The following ABR variants were observed in gnomAD, a reference collection of about 807,000 sequenced individuals.
The protein encoded by ABR is active breakpoint cluster region-related protein.
In ABR, 35 loss-of-function variants were observed where a neutral mutation model predicts 107.2. The ratio of observed to expected loss-of-function variants is 0.33; its 90% CI spans 0.25 to 0.43. The LOEUF (loss-of-function observed/expected upper bound fraction) is 0.43, where lower values mean the gene tolerates loss of function less well. Among genes scored for constraint, ABR ranks in the 20% least tolerant of loss-of-function variants. ABR has a pLI of 1.00. For synonymous variants in ABR, 498 were observed against 462.0 expected, an observed-to-expected ratio of 1.08 and a Z score of -1.00; for missense variants, 815 against 1,115.2, an observed-to-expected ratio of 0.73 and a Z score of 3.83.
chr17:1,010,624 C>G lies in ABR; in HGVS notation c.2236+105G>C. 6.7e-7 allele frequency: 1 copy of G among 1,494,524 alleles called. No homozygotes were observed. The highest frequency in any genetic ancestry group is 9.0e-7 in the Non-Finnish European group (1 of 1,107,582). 92.6% of individuals were successfully genotyped at this position (1,494,524 alleles called of 1,614,324 possible). On this transcript the variant is annotated intron_variant, in intron 20 of 22. Coordinates refer to ENST00000302538, the MANE Select transcript of ABR (RefSeq NM_021962.5). This position sits in a 1 kb window ranked among gnomAD's most constrained non-coding sequence, Gnocchi z 4.1. ...GGCCCCAGTGCACTGGGAAGGTCAG[C>G]CAGCAAAGGAAGCCACAGATATTTC... is the stretch of plus-strand genomic sequence containing the variant.
intron 16 of ABR, among the ~76,000 whole-genome samples, chr17:1,047,968 A>G (rs753602486): frequency 6.6e-6 from 1 of 152,168 alleles, no homozygotes; most frequent in Non-Finnish European, 1.5e-5. Flanking sequence ...TAACTCTTCT[A>G]TTCCACAGCC....
At chr17:1,199,340 A>G (rs1379349033) in intron 1 of ABR, among the ~76,000 whole-genome samples, 2 of 150,846 alleles carry the variant, frequency 1.3e-5, no homozygotes, top group Non-Finnish European at 2.9e-5. Context: ...ATCTGTACCC[A>G]TGTCATAGAC....
At chr17:1,134,684 G>A (rs921067654) in intron 1 of ABR, among the ~76,000 whole-genome samples, 6 of 152,208 alleles carry the variant, frequency 3.9e-5, no homozygotes, top group African/African-American at 1.2e-4. Context: ...AAGGCGGACC[G>A]GAGGGTGTGG....
At chr17:1,185,672 A>T (rs1436913309) in intron 1 of ABR, among the ~76,000 whole-genome samples, 2 of 149,954 alleles carry the variant, frequency 1.3e-5, no homozygotes, top group Non-Finnish European at 3.0e-5. Context: ...AAAAAAAAAA[A>T]AAAAAAAAGA....
At chr17:1,193,755 A>G (rs777101040) in intron 1 of ABR, among the ~76,000 whole-genome samples, 1 of 152,048 alleles carries the variant, frequency 6.6e-6, no homozygotes, top group Non-Finnish European at 1.5e-5. Context: ...CAGTGGCACA[A>G]TCTCGGCTCA....
intron 1 of ABR, among the ~76,000 whole-genome samples, chr17:1,169,819 G>C (rs897726598): frequency 6.6e-6 from 1 of 152,116 alleles, no homozygotes; most frequent in African/African-American, 2.4e-5. Flanking sequence ...ATTTTAAAAG[G>C]CTGGAGAGCA....
intron 1 of ABR, among the ~76,000 whole-genome samples, chr17:1,216,257 G>A (rs1486485047): frequency 1.3e-5 from 2 of 152,134 alleles, no homozygotes; most frequent in East Asian, 1.9e-4. Flanking sequence ...AACTTGCTCA[G>A]TTCTCACAAA....
chr17:1,115,632 A>C (rs1454707943), intron 2 of ABR, among the ~76,000 whole-genome samples: 2 of 152,204 alleles, frequency 1.3e-5, no homozygotes, highest in Middle Eastern at 3.2e-3. Context: ...CAACTACATA[A>C]AGCTAATGTT....
At chr17:1,203,245 C>T (rs1183826759) in intron 1 of ABR, among the ~76,000 whole-genome samples, 1 of 151,826 alleles carries the variant, frequency 6.6e-6, no homozygotes, top group African/African-American at 2.4e-5. Flanking sequence ...GGGGAGACTC[C>T]TTGGAAGGGG....
chr17:1,058,761 T>C lies in ABR; in HGVS notation c.1289A>G (p.His430Arg). The C allele has an allele frequency of 6.2e-7, 1 of 1,614,076 alleles. No homozygotes were observed. The highest frequency in any genetic ancestry group is 8.5e-7 in the Non-Finnish European group (1 of 1,179,980). The change falls in exon 11 of 23, where the codon CAC becomes CGC. Residue 430 changes from histidine (H) to arginine (R), a missense_variant. Physicochemically the swap from His to Arg is conservative, Grantham distance 29. Transcript: ENST00000302538. ...CATCCTGACCTTTCCATTCCGATTG[T>C]GGATCCTGAACGGGATTGTGGGGGA... ...LNSPTIPFRI[H>R]NRNGKSYLFL...
chr17:1,018,306 T>G (rs958058865), intron 16 of ABR, among the ~76,000 whole-genome samples: 3 of 152,172 alleles, frequency 2.0e-5, no homozygotes, highest in Non-Finnish European at 4.4e-5. Flanking sequence ...CCTCCCAAAG[T>G]GCTGGGATTA....
At chr17:1,144,742 A>C (rs2040460310) in intron 1 of ABR, among the ~76,000 whole-genome samples, 1 of 151,458 alleles carries the variant, frequency 6.6e-6, no homozygotes, top group South Asian at 2.1e-4. Flanking sequence ...AAATACAAAA[A>C]TTAGGGCTGG....
intron 4 of ABR, among the ~76,000 whole-genome samples, chr17:1,088,415 C>T (rs766870079): frequency 1.7e-4 from 26 of 150,852 alleles, no homozygotes; most frequent in Non-Finnish European, 3.2e-4. Flanking sequence ...TGTGGCATTC[C>T]CTTGGAAGGA....
chr17:1,069,389 C>T (rs1224504293), intron 9 of ABR, among the ~76,000 whole-genome samples: 1 of 152,154 alleles, frequency 6.6e-6, no homozygotes, highest in African/African-American at 2.4e-5. Flanking sequence ...ACCGGCCAGG[C>T]GCGGTGGCTC....
intron 1 of ABR, among the ~76,000 whole-genome samples, chr17:1,195,258 G>C (rs2042533623): frequency 7.3e-6 from 1 of 136,542 alleles, no homozygotes; most frequent in South Asian, 2.6e-4. Context: ...AGTGAGCGGA[G>C]ATCGCGCCAC....
In ABR at chr17:1,218,877, A is replaced by G. The variant is rs552009927; in HGVS notation, c.838+9916T>C. 7.2e-5 allele frequency among the ~76,000 whole-genome samples: 11 copies of G among 152,288 alleles called. No homozygotes were observed. The South Asian group carries it at 2.3e-3, about 32-fold the overall frequency. The stretch of plus-strand genomic sequence containing the variant: ...TCTCTGAATTCCTTATACATTCCAA[A>G]TGTGCAAAATCCCCAAGGAAATCGC... On this transcript the variant is annotated intron_variant, in intron 1 of 22. Coordinates refer to the ABR transcript ENST00000574139.
intron 1 of ABR, among the ~76,000 whole-genome samples, chr17:1,213,638 G>A (rs547078561): frequency 1.3e-5 from 2 of 152,156 alleles, no homozygotes; most frequent in South Asian, 2.1e-4. Flanking sequence ...TGACTCACCC[G>A]CCTCGGCCTC....
rs2035638853 is a variant in ABR at position 1,075,644 on chromosome 17, T to C, written c.701-1967A>G. Among the ~76,000 whole-genome samples the C allele has an allele frequency of 4.6e-5, 7 of 152,372 alleles. No homozygotes were observed. In the South Asian group the frequency reaches 1.4e-3, roughly 32 times the overall value. The stretch of plus-strand genomic sequence containing the variant: ...AATCTCTGCAAGACCACAAGGGCCA[T>C]CAGCATTTCTATAAAGCTTCTTTAC... On this transcript the variant is annotated intron_variant, in intron 6 of 22. Coordinates refer to ENST00000302538, the MANE Select transcript of ABR (RefSeq NM_021962.5).
chr17:1,014,334 G>T (rs559762260), intron 16 of ABR, among the ~76,000 whole-genome samples: 5 of 131,470 alleles, frequency 3.8e-5, no homozygotes, highest in African/African-American at 1.5e-4. Context: ...CCAGCTACTT[G>T]GGAGGCTGAG....
Sources: gnomAD v4.1 joint callset for allele counts (sites outside exome capture counted in the v4.1 genomes callset) on GRCh38, gnomAD v4.1.1 for gene constraint, Gnocchi (gnomAD v3.1) non-coding constraint, MANE v1.5 for transcripts, NCBI Gene and HGNC (gene_info 2026-07-23, HGNC 2026-07-21) for gene names.